The following XKR9 variants were observed in gnomAD, a reference collection of about 807,000 sequenced individuals.
XKR9 encodes XK-related protein 9.
Under a neutral mutation model 32.0 loss-of-function variants are expected in XKR9, and 32 were observed. The ratio of observed to expected loss-of-function variants is 1.00; its 90% confidence interval spans 0.76 to 1.34. The LOEUF (loss-of-function observed/expected upper bound fraction) is 1.34, where lower values mean the gene tolerates loss of function less well. XKR9 is among the 40% of genes most tolerant of loss of function. XKR9 has a pLI of 0.00. For synonymous variants in XKR9, 168 were observed against 143.4 expected (o/e 1.17, Z -1.22); for missense variants, 546 against 429.7 (o/e 1.27, Z -2.39).
At chr8:71,012,574 C>T in the XKR9 span, among the ~76,000 whole-genome samples, 1 of 152,202 alleles carries the variant, frequency 6.6e-6, no homozygotes, top group Non-Finnish European at 1.5e-5. Context: ...CTATTTAGCT[C>T]TTACCCCAAT....
At chr8:70,740,819 C>G (rs1183218700), downstream of XKR9, among the ~76,000 whole-genome samples, 2 of 152,200 alleles carry the variant, frequency 1.3e-5, no homozygotes, top group South Asian at 4.1e-4. Flanking sequence ...CTGATCGTTC[C>G]TCTGAAAGTT....
the XKR9 span, among the ~76,000 whole-genome samples, chr8:71,034,167 A>G: frequency 6.6e-6 from 1 of 152,170 alleles, no homozygotes; most frequent in Non-Finnish European, 1.5e-5. Flanking sequence ...ATTATAATTT[A>G]AATTGTAATA....
chr8:70,976,792 G>A, the XKR9 span, among the ~76,000 whole-genome samples: 1 of 152,204 alleles, frequency 6.6e-6, no homozygotes, highest in Non-Finnish European at 1.5e-5. Context: ...CAGAAGGAAT[G>A]GGACCAGCTC....
the XKR9 span, among the ~76,000 whole-genome samples, chr8:70,895,525 A>T: frequency 3.9e-5 from 6 of 152,166 alleles, no homozygotes; most frequent in Non-Finnish European, 5.9e-5. Flanking sequence ...TGGAATTTTG[A>T]TTCAGATTAC....
chr8:70,791,058 T>TG (rs1807757680), downstream of XKR9, among the ~76,000 whole-genome samples: 1 of 152,012 alleles, frequency 6.6e-6, no homozygotes, highest in Non-Finnish European at 1.5e-5. Context: ...CCTTGGGAAT[T>TG]GGGGGAGGAT....
chr8:70,821,821 C>A, the XKR9 span, among the ~76,000 whole-genome samples: 1 of 152,162 alleles, frequency 6.6e-6, no homozygotes, highest in Admixed American at 6.5e-5. Flanking sequence ...GCCCATGAAA[C>A]CATTTTTTCC....
chr8:70,732,228 G>A (rs536095085), intron 4 of XKR9, among the ~76,000 whole-genome samples: 8 of 152,334 alleles, frequency 5.3e-5, no homozygotes, highest in African/African-American at 1.9e-4. Flanking sequence ...GAAAGAAGGA[G>A]GCATTGGCAA....
At chr8:70,803,504 T>C in the XKR9 span, among the ~76,000 whole-genome samples, 1 of 152,220 alleles carries the variant, frequency 6.6e-6, no homozygotes, top group Non-Finnish European at 1.5e-5. Context: ...CATTTGGAGG[T>C]AAGAAGACAC....
intron 2 of XKR9, among the ~76,000 whole-genome samples, chr8:70,783,848 T>C (rs913385089): frequency 2.0e-5 from 3 of 152,212 alleles, no homozygotes; most frequent in East Asian, 3.8e-4. Context: ...TAGTCTTATA[T>C]GTAAGTCTTT....
At chr8:70,849,312 C>G in the XKR9 span, among the ~76,000 whole-genome samples, 1 of 152,176 alleles carries the variant, frequency 6.6e-6, no homozygotes, top group Non-Finnish European at 1.5e-5. Flanking sequence ...TTAAGAAACT[C>G]ACTCAAAACT....
intron 2 of XKR9, among the ~76,000 whole-genome samples, chr8:70,753,748 T>A (rs1282229882): frequency 2.6e-5 from 4 of 151,746 alleles, no homozygotes; most frequent in African/African-American, 9.7e-5. Flanking sequence ...ATAAATTAGG[T>A]ACTGATGGGA....
chr8:70,879,346 TA>T, the XKR9 span, among the ~76,000 whole-genome samples: 16 of 151,440 alleles, frequency 1.1e-4, no homozygotes, highest in Middle Eastern at 3.4e-3. Flanking sequence ...AAAATCCCTT[TA>T]AAAAAAACAA....
the XKR9 span, among the ~76,000 whole-genome samples, chr8:70,979,241 A>G: frequency 6.6e-6 from 1 of 152,092 alleles, no homozygotes; most frequent in Non-Finnish European, 1.5e-5. Context: ...ACTTCTGTCA[A>G]CTCGTCAAAA....
chr8:70,813,095 A>G, the XKR9 span, among the ~76,000 whole-genome samples: 5 of 152,154 alleles, frequency 3.3e-5, no homozygotes, highest in Admixed American at 6.5e-5. Context: ...CAAAACAGAG[A>G]TATAGATCAA....
chr8:70,969,734 T>G, the XKR9 span, among the ~76,000 whole-genome samples: 4 of 152,216 alleles, frequency 2.6e-5, no homozygotes, highest in Admixed American at 1.3e-4. Flanking sequence ...CTGAAACATT[T>G]ATATTTTAAT....
intron 4 of XKR9, among the ~76,000 whole-genome samples, chr8:70,708,010 T>A (rs1459767888): frequency 6.6e-6 from 1 of 152,068 alleles, no homozygotes; most frequent in Non-Finnish European, 1.5e-5. Flanking sequence ...GTTCTTGCTG[T>A]CCTAGACTCA....
chr8:70,984,258 A>G, the XKR9 span, among the ~76,000 whole-genome samples: 1 of 152,310 alleles, frequency 6.6e-6, no homozygotes, highest in South Asian at 2.1e-4. Context: ...GAGGTAGGCA[A>G]TTCTGCTGTC....
At chr8:70,809,734 A>G in the XKR9 span, among the ~76,000 whole-genome samples, 1 of 152,198 alleles carries the variant, frequency 6.6e-6, no homozygotes, top group Non-Finnish European at 1.5e-5. Flanking sequence ...TGAGAAGAGA[A>G]ATTTAGAGAA....
chr8:70,673,601 C>T (rs1818788462), intron 1 of XKR9, among the ~76,000 whole-genome samples: 1 of 152,004 alleles, frequency 6.6e-6, no homozygotes, highest in Non-Finnish European at 1.5e-5. Context: ...CCTGTCTCTA[C>T]TAAAAATACA....
Sources: allele counts gnomAD v4.1 joint callset (sites outside exome capture counted in the v4.1 genomes callset), GRCh38; gene constraint gnomAD v4.1.1; transcripts MANE v1.5; gene names NCBI Gene and HGNC (gene_info 2026-07-23, HGNC 2026-07-21).